WWC1: variants seen among roughly 807,000 people sequenced by gnomAD.
WWC1 encodes the protein protein KIBRA.
A neutral mutation model predicts 138.4 loss-of-function variants in WWC1; 55 were observed. The ratio of observed to expected loss-of-function variants is 0.40; its 90% CI spans 0.32 to 0.50. The LOEUF is 0.50. Ranked by LOEUF, WWC1 falls within the 20% of genes least tolerant of loss-of-function variation. WWC1 has a pLI of 0.72. For synonymous variants in WWC1, 524 were observed against 564.9 expected (o/e 0.93, Z 1.03); for missense variants, 1,226 against 1,420.4 (o/e 0.86, Z 2.20).
At chr5:168,408,421 G>A (rs1779970150) in intron 6 of WWC1, 86 bp from the exon 7 acceptor site, 1 of 1,497,822 alleles carries the variant, frequency 6.7e-7, no homozygotes, top group South Asian at 1.2e-5. Context: ...TTAAGGGAGG[G>A]TAGAGAGGGA....
chr5:168,404,391 C>T (rs943795809), intron 5 of WWC1, among the ~76,000 whole-genome samples: 2 of 152,204 alleles, frequency 1.3e-5, no homozygotes, highest in African/African-American at 4.8e-5. Flanking sequence ...ATAGGCCTGC[C>T]GAGGCCCGAG....
In WWC1 at chr5:168,292,102, C is replaced by A; in HGVS notation, c.-51C>A. 3 of 1,483,292 alleles carry A rather than the reference C, an allele frequency of 2.0e-6. 1 individual carries two copies. The South Asian group carries it at 4.0e-5, about 20-fold the overall frequency. 91.9% of individuals were successfully genotyped at this position (1,483,292 alleles called of 1,614,324 possible). ...GAGCGGCCGGCTGGAGCCGCTGAGC[C>A]CCCGCTGCGGCCGGGAGCTGCATGG... On this transcript the variant is annotated 5_prime_UTR_variant, in exon 1 of 23. Coordinates refer to ENST00000265293, the MANE Select transcript of WWC1 (RefSeq NM_015238.3). The surrounding 1 kb of genome is among the most constrained non-coding windows in gnomAD (Gnocchi z 4.4).
intron 3 of WWC1, among the ~76,000 whole-genome samples, chr5:168,397,397 C>T (rs150054683): frequency 0.024 from 3,701 of 152,274 alleles, 137 homozygotes; most frequent in African/African-American, 0.084. Flanking sequence ...CCTGCCTCAG[C>T]CTCCCAAAGG....
At chr5:168,313,451 C>T (rs1258784757) in intron 1 of WWC1, among the ~76,000 whole-genome samples, 3 of 152,188 alleles carry the variant, frequency 2.0e-5, no homozygotes, top group Middle Eastern at 3.4e-3. Context: ...ATTAGCCAGA[C>T]GTGGTGGCGG....
chr5:168,450,627 C>G (rs1755711516), intron 17 of WWC1, among the ~76,000 whole-genome samples: 1 of 152,082 alleles, frequency 6.6e-6, no homozygotes, highest in African/African-American at 2.4e-5. Flanking sequence ...GGTCGCACCA[C>G]TGCACTCCAG....
Position 168,414,413 on chromosome 5 carries a change from C to G in WWC1, c.1007C>G (p.Ser336Ter). The change falls in exon 9 of 23, where the codon TCA becomes TGA. Residue 336 changes from serine to a stop codon, truncating the protein, a stop_gained. Transcript: ENST00000265293. LOFTEE classifies it high-confidence loss of function. ...DSEAWPGVLD[S>*]ERDRLILINE... ...GAGGCCTGGCCTGGGGTGCTGGACT[C>G]AGAGAGGGACCGGCTGATCCTTATC... The G allele has an allele frequency of 1.2e-6, 2 of 1,604,454 alleles. No individual in the cohort carries two copies. Among genetic ancestry groups the G allele is most frequent in the Non-Finnish European group, 1.7e-6 (2 of 1,175,202 alleles).
Position 168,292,214 on chromosome 5 carries a change from A to T in WWC1, c.62A>T (p.Lys21Met). The T allele has an allele frequency of 6.3e-7, 1 of 1,577,332 alleles. No individual in the cohort carries two copies. Among genetic ancestry groups the T allele is most frequent in the East Asian group, 2.3e-5 (1 of 42,786 alleles). Residue 21 changes from lysine to methionine, a missense_variant, in exon 1 of 23, where the codon AAG becomes ATG. This residue lies in a region of WWC1 where 1,016 missense variants were observed against 1,153.9 expected (regional missense o/e 0.88). Transcript: ENST00000265293. The surrounding 1 kb of genome is among the most constrained non-coding windows in gnomAD (Gnocchi z 4.4). ...GWEEARDFDG[K>M]VYYIDHTNRT... ...GAGGAGGCGCGCGACTTCGACGGCA[A>T]GGTCTACTACATAGACCACACGAAC...
intron 1 of WWC1, among the ~76,000 whole-genome samples, chr5:168,329,985 A>C (rs1159469796): frequency 1.3e-5 from 2 of 152,026 alleles, no homozygotes; most frequent in South Asian, 2.1e-4. Context: ...TGGCAGGCGT[A>C]TGTAGCCACA....
At chr5:168,340,006 T>TC (rs1368470372) in intron 1 of WWC1, among the ~76,000 whole-genome samples, 1 of 93,912 alleles carries the variant, frequency 1.1e-5, no homozygotes, top group Non-Finnish European at 2.6e-5. Context: ...TCTTTCTCTC[T>TC]TTCTTTCTTT....
intron 5 of WWC1, among the ~76,000 whole-genome samples, chr5:168,403,665 C>T (rs915935397): frequency 2.6e-5 from 4 of 152,086 alleles, no homozygotes; most frequent in Non-Finnish European, 4.4e-5. Flanking sequence ...GGAGACCAGG[C>T]ATCTCGCCCC....
chr5:168,339,832 T>TTC (rs796623514), intron 1 of WWC1, among the ~76,000 whole-genome samples: 8,283 of 48,212 alleles, frequency 0.17, 473 homozygotes, highest in African/African-American at 0.21. Context: ...CTTTCTTTCT[T>TTC]TTTCTTTTCT....
At chr5:168,373,773 G>T (rs1363399859) in intron 2 of WWC1, among the ~76,000 whole-genome samples, 3 of 138,920 alleles carry the variant, frequency 2.2e-5, no homozygotes. Flanking sequence ...TGTGCTGGGC[G>T]CAGTGGCTCA....
intron 2 of WWC1, among the ~76,000 whole-genome samples, chr5:168,377,026 A>G (rs1443819048): frequency 6.6e-6 from 1 of 152,230 alleles, no homozygotes; most frequent in East Asian, 1.9e-4. Context: ...TCCAACTTCA[A>G]ACTATACTAT....
At chr5:168,320,887 A>G (rs1408791818) in intron 1 of WWC1, among the ~76,000 whole-genome samples, 1 of 152,178 alleles carries the variant, frequency 6.6e-6, no homozygotes, top group Non-Finnish European at 1.5e-5. Flanking sequence ...ACTGGCAACC[A>G]GAAGACAGGA....
intron 1 of WWC1, among the ~76,000 whole-genome samples, chr5:168,328,402 C>A (rs970612074): frequency 9.2e-5 from 14 of 152,016 alleles, no homozygotes; most frequent in Admixed American, 8.5e-4. Context: ...TGATCTTGAC[C>A]AATAGGGGTA....
chr5:168,357,886 T>G (rs1355751976), intron 1 of WWC1, among the ~76,000 whole-genome samples: 1 of 152,232 alleles, frequency 6.6e-6, no homozygotes, highest in Admixed American at 6.5e-5. Context: ...TCCACTGTTG[T>G]GCAGAGCTCC....
chr5:168,417,611 C>A (rs917862570), intron 9 of WWC1, among the ~76,000 whole-genome samples: 3 of 152,160 alleles, frequency 2.0e-5, no homozygotes, highest in Admixed American at 6.5e-5. Flanking sequence ...ACTCAGAAGG[C>A]CTTCTGTTAT....
chr5:168,452,239 C>T (rs141837750), intron 17 of WWC1, among the ~76,000 whole-genome samples: 25 of 152,196 alleles, frequency 1.6e-4, no homozygotes, highest in African/African-American at 4.6e-4. Flanking sequence ...TTATACTTAC[C>T]GTATGACCCA....
chr5:168,333,232 A>G (rs1363525144), intron 1 of WWC1, among the ~76,000 whole-genome samples: 2 of 151,950 alleles, frequency 1.3e-5, no homozygotes, highest in Non-Finnish European at 2.9e-5. Flanking sequence ...TAACCAATTG[A>G]CTATCTCCTT....
Sources: allele counts gnomAD v4.1 joint callset (sites outside exome capture counted in the v4.1 genomes callset), GRCh38; gene constraint gnomAD v4.1.1; regional missense constraint gnomAD v4.1.1; non-coding constraint Gnocchi (gnomAD v3.1); transcripts MANE v1.5; gene names NCBI Gene and HGNC (gene_info 2026-07-23, HGNC 2026-07-21).